FMN2: variants seen among roughly 807,000 people sequenced by gnomAD.
FMN2 encodes the protein formin 2, also known as formin-2.
FMN2 carries 51 observed loss-of-function variants against 142.3 expected under a neutral mutation model. The ratio of observed to expected loss-of-function variants is 0.36; its 90% CI spans 0.29 to 0.45. The LOEUF (loss-of-function observed/expected upper bound fraction) is 0.45, where lower values mean the gene tolerates loss of function less well. Among genes scored for constraint, FMN2 ranks in the 20% least tolerant of loss-of-function variants. FMN2 has a pLI of 1.00. For synonymous variants in FMN2, 882 were observed against 869.8 expected (o/e 1.01, Z -0.25); for missense variants, 1,936 against 2,122.8 (o/e 0.91, Z 1.73).
intron 8 of FMN2, among the ~76,000 whole-genome samples, chr1:240,327,899 C>A (rs1000359123): frequency 9.9e-5 from 15 of 151,992 alleles, no homozygotes; most frequent in African/African-American, 3.6e-4. Context: ...GTAATCCCAG[C>A]AGTTTGGGAG....
chr1:240,139,179 C>T (rs573419481), intron 2 of FMN2, among the ~76,000 whole-genome samples: 5 of 152,194 alleles, frequency 3.3e-5, no homozygotes, highest in African/African-American at 1.2e-4. Context: ...GATTTGGTTG[C>T]TCATGTAAAG....
intron 14 of FMN2, among the ~76,000 whole-genome samples, chr1:240,366,226 C>G (rs1672666312): frequency 6.6e-6 from 1 of 152,180 alleles, no homozygotes; most frequent in African/African-American, 2.4e-5. Context: ...GTCAGCTCTT[C>G]CATTTATCTT....
intron 4 of FMN2, among the ~76,000 whole-genome samples, chr1:240,205,834 G>A (rs1414683344): frequency 6.6e-6 from 1 of 151,332 alleles, no homozygotes; most frequent in Non-Finnish European, 1.5e-5. Context: ...TTTAGGAAAG[G>A]AAGACACCAC....
chr1:240,426,364 A>G (rs964512156), intron 15 of FMN2, among the ~76,000 whole-genome samples: 13 of 152,234 alleles, frequency 8.5e-5, no homozygotes, highest in Admixed American at 5.9e-4. Flanking sequence ...GTCATCGTCA[A>G]AAACAATATC....
At chr1:240,192,536 C>G (rs180961757) in intron 4 of FMN2, among the ~76,000 whole-genome samples, 1 of 152,180 alleles carries the variant, frequency 6.6e-6, no homozygotes, top group Non-Finnish European at 1.5e-5. Flanking sequence ...ACCCACAAGA[C>G]AAGTAAATAA....
chr1:240,387,011 A>G (rs938939180), intron 14 of FMN2, among the ~76,000 whole-genome samples: 9 of 152,222 alleles, frequency 5.9e-5, no homozygotes, highest in Non-Finnish European at 1.3e-4. Flanking sequence ...CGGGGTGGGC[A>G]AAAGGGGAAA....
chr1:240,143,475 GTCCTTCTTT>G (rs983136306), intron 2 of FMN2: 9 of 1,535,630 alleles, frequency 5.9e-6, no homozygotes, highest in Non-Finnish European at 7.2e-6. Context: ...TTTTGTCCTT[GTCCTTCTTT>G]TCCTTCTTGC....
chr1:240,099,076 T>C (rs1379808797), intron 1 of FMN2, among the ~76,000 whole-genome samples: 1 of 152,126 alleles, frequency 6.6e-6, no homozygotes, highest in East Asian at 1.9e-4. Flanking sequence ...AATTTCAAAT[T>C]AATACTATTA....
At chr1:240,434,526 G>GT (rs34529154) in intron 15 of FMN2, among the ~76,000 whole-genome samples, 5 of 150,512 alleles carry the variant, frequency 3.3e-5, no homozygotes, top group African/African-American at 4.9e-5. Flanking sequence ...TTATTTGCTT[G>GT]TTTTTTTTTG....
intron 6 of FMN2, among the ~76,000 whole-genome samples, chr1:240,257,082 C>A (rs1668472604): frequency 1.3e-5 from 2 of 152,134 alleles, no homozygotes; most frequent in Admixed American, 1.3e-4. Context: ...AGATTTAAAA[C>A]AAAACACTGG....
chr1:240,173,995 A>G (rs1664811401), intron 2 of FMN2, among the ~76,000 whole-genome samples: 1 of 152,148 alleles, frequency 6.6e-6, no homozygotes, highest in South Asian at 2.1e-4. Context: ...TCTAGGCAAA[A>G]GTCTTTTTGT....
chr1:240,218,080 C>G (rs1666970972), intron 6 of FMN2, among the ~76,000 whole-genome samples: 1 of 151,846 alleles, frequency 6.6e-6, no homozygotes, highest in South Asian at 2.1e-4. Flanking sequence ...GTCAAGAGAT[C>G]GAGACCATCC....
At position 240,389,559 on chromosome 1, in the gene FMN2, G is replaced by A. The variant is rs79609947; in HGVS notation, c.4859-2952G>A. Among the ~76,000 whole-genome samples, 1,035 of 152,176 alleles carry A rather than the reference G, an allele frequency of 6.8e-3. 19 individuals are homozygous for A. Among genetic ancestry groups the A allele is most frequent in the African/African-American group, 0.023 (972 of 41,516 alleles). The stretch of plus-strand genomic sequence containing the variant: ...TCCAAATGATATCTTAATTTTCACC[G>A]ATTAAATTACATTTTATTTTGGTTT... On this transcript the variant is annotated intron_variant, in intron 14 of 17. Transcript: ENST00000319653.
intron 14 of FMN2, among the ~76,000 whole-genome samples, chr1:240,388,227 CAAAAAAAA>C (rs761610582): frequency 2.1e-3 from 13 of 6,054 alleles, no homozygotes; most frequent in African/African-American, 7.5e-3. Context: ...GTGCTCAAAG[CAAAAAAAA>C]AAAAAAAAAA....
chr1:240,398,025 T>C (rs1673843993), intron 15 of FMN2, among the ~76,000 whole-genome samples: 1 of 150,906 alleles, frequency 6.6e-6, no homozygotes, highest in Admixed American at 6.6e-5. Context: ...AGACATAATC[T>C]TGCTCTGTCA....
chr1:240,194,600 T>C (rs1241803534), intron 4 of FMN2, among the ~76,000 whole-genome samples: 1 of 152,200 alleles, frequency 6.6e-6, no homozygotes, highest in East Asian at 1.9e-4. Flanking sequence ...CTGGCAGTTA[T>C]AAGTTAGGAG....
chr1:240,399,149 G>A (rs759702900), intron 15 of FMN2, among the ~76,000 whole-genome samples: 5 of 152,064 alleles, frequency 3.3e-5, no homozygotes, highest in Non-Finnish European at 4.4e-5. Context: ...GAAAAACAAT[G>A]TCCACATTAT....
chr1:240,283,061 G>A lies in FMN2; in HGVS notation c.4154-11761G>A, dbSNP rs1045948866. Reference sequence around the variant, plus strand: ...AGTTGCACAGTGACATGCACCTCCCGAAGGTTTCTATGCTTTATTGAGTTT... The same window carrying A: ...AGTTGCACAGTGACATGCACCTCCCAAAGGTTTCTATGCTTTATTGAGTTT... On this transcript the variant is annotated intron_variant, in intron 7 of 17. Transcript: ENST00000319653. Among the ~76,000 whole-genome samples the A allele has an allele frequency of 2.0e-5, 3 of 152,114 alleles. No homozygotes were observed. In the South Asian group the frequency reaches 6.2e-4, roughly 31 times the overall value.
Position 240,263,866 on chromosome 1 carries a change from A to G in FMN2, c.4153+5834A>G, listed in dbSNP as rs183803636. Among the ~76,000 whole-genome samples, 21 of 152,294 alleles carry G rather than the reference A, an allele frequency of 1.4e-4. 1 individual carries two copies. The East Asian group carries it at 3.7e-3, about 27-fold the overall frequency. ...CCTGTCTTTTATATATGTCCTGTCT[A>G]AAGCTAACTGGAATTATGGGCCCTT... On this transcript the variant is annotated intron_variant, in intron 7 of 17. Transcript: ENST00000319653.
Sources: allele counts gnomAD v4.1 joint callset (sites outside exome capture counted in the v4.1 genomes callset), GRCh38; gene constraint gnomAD v4.1.1; transcripts MANE v1.5; gene names NCBI Gene and HGNC (gene_info 2026-07-23, HGNC 2026-07-21).